The following SND1 variants were observed in gnomAD, a reference collection of about 807,000 sequenced individuals.
SND1 encodes the protein staphylococcal nuclease domain-containing protein 1.
SND1 carries 38 observed loss-of-function variants against 121.7 expected under a neutral mutation model. The observed-to-expected ratio is 0.31, with a 90% CI of 0.24 to 0.41. SND1 has a LOEUF of 0.41. Among genes scored for constraint, SND1 ranks in the 10% least tolerant of loss-of-function variants. The probability of loss-of-function intolerance (pLI) is 1.00; values close to 1 mark genes in which losing one functional copy is unlikely to be tolerated. For synonymous variants in SND1, 401 were observed against 447.4 expected (o/e 0.90, Z 1.31); for missense variants, 868 against 1,184.6 (o/e 0.73, Z 3.92).
chr7:127,898,467 C>G (rs1800161803), intron 13 of SND1, among the ~76,000 whole-genome samples: 1 of 152,158 alleles, frequency 6.6e-6, no homozygotes, highest in Admixed American at 6.6e-5. Flanking sequence ...TGGTGCCACC[C>G]TGTCGCTTCC....
intron 12 of SND1, among the ~76,000 whole-genome samples, chr7:127,885,585 G>A (rs1218279466): frequency 2.0e-5 from 3 of 152,122 alleles, no homozygotes; most frequent in Non-Finnish European, 1.5e-5. Flanking sequence ...AAAGAGGGCA[G>A]GGACAAGGAA....
chr7:127,958,612 G>T (rs1179931425), intron 15 of SND1, among the ~76,000 whole-genome samples: 1 of 152,138 alleles, frequency 6.6e-6, no homozygotes, highest in East Asian at 1.9e-4. Context: ...TGAAACCCCT[G>T]GATAAATATG....
At chr7:127,686,197 C>T (rs1488696346) in intron 1 of SND1, among the ~76,000 whole-genome samples, 1 of 152,176 alleles carries the variant, frequency 6.6e-6, no homozygotes, top group Non-Finnish European at 1.5e-5. Flanking sequence ...GCCACAGCTT[C>T]CCCTTTTCCT....
intron 18 of SND1, among the ~76,000 whole-genome samples, chr7:128,082,739 G>A (rs930765527): frequency 7.9e-5 from 12 of 152,132 alleles, no homozygotes; most frequent in Non-Finnish European, 1.8e-4. Flanking sequence ...CCGTTCCTGG[G>A]CAGAGGAACC....
chr7:128,077,983 G>A (rs887711292), intron 17 of SND1, among the ~76,000 whole-genome samples: 2 of 152,248 alleles, frequency 1.3e-5, no homozygotes, highest in African/African-American at 4.8e-5. Flanking sequence ...CATCTACAAT[G>A]GGGATTCCCA....
At chr7:127,866,671 T>C (rs2116692708) in intron 12 of SND1, among the ~76,000 whole-genome samples, 1 of 152,344 alleles carries the variant, frequency 6.6e-6, no homozygotes, top group African/African-American at 2.4e-5. Flanking sequence ...TAATTTTCCA[T>C]AAATGCTGTT....
At chr7:128,039,474 A>G (rs988459897) in intron 16 of SND1, among the ~76,000 whole-genome samples, 3 of 152,104 alleles carry the variant, frequency 2.0e-5, no homozygotes, top group African/African-American at 7.3e-5. Flanking sequence ...AGCAGGTGAG[A>G]AATTACTAGC....
At chr7:127,758,860 G>A (rs774447356) in intron 10 of SND1, among the ~76,000 whole-genome samples, 3 of 152,022 alleles carry the variant, frequency 2.0e-5, no homozygotes, top group Non-Finnish European at 4.4e-5. Flanking sequence ...TTTGAGACCA[G>A]CCTAGAAACA....
intron 14 of SND1, among the ~76,000 whole-genome samples, chr7:127,917,070 A>G (rs1800595385): frequency 6.6e-6 from 1 of 152,232 alleles, no homozygotes; most frequent in African/African-American, 2.4e-5. Context: ...TGTTATCTTC[A>G]CCAAAGCTAT....
rs183810459 is a variant in SND1 at position 127,759,911 on chromosome 7, G to T, written c.1152+38511G>T. On this transcript the variant is annotated intron_variant, in intron 10 of 23. Transcript: ENST00000354725. ...TTTCCCCTGTGTGTAACAAACTGTCGCATTTCTGCTGCCAGCCTCTCCTCT... is the reference window on the plus strand; with the variant it reads ...TTTCCCCTGTGTGTAACAAACTGTCTCATTTCTGCTGCCAGCCTCTCCTCT... Among the ~76,000 whole-genome samples, 5 of 152,182 alleles carry T rather than the reference G, an allele frequency of 3.3e-5. No individual in the cohort carries two copies. In the East Asian group the frequency reaches 5.8e-4, roughly 18 times the overall value.
At chr7:128,088,446 C>CTTTTTTTTTTTTT in intron 21 of SND1, among the ~76,000 whole-genome samples, 1 of 80,158 alleles carries the variant, frequency 1.2e-5, no homozygotes, top group Non-Finnish European at 2.3e-5. Context: ...CCCTATCTCT[C>CTTTTTTTTTTTTT]TTTTTTTTTT....
intron 14 of SND1, 23 bp from the exon 15 acceptor site, chr7:127,929,165 T>C (rs777679554): frequency 6.2e-7 from 1 of 1,612,536 alleles, no homozygotes; most frequent in African/African-American, 1.3e-5. Flanking sequence ...TTCCAGTTAC[T>C]CTTTTCCTCT....
intron 12 of SND1, among the ~76,000 whole-genome samples, chr7:127,846,763 C>G (rs1045017955): frequency 6.6e-6 from 1 of 151,926 alleles, no homozygotes; most frequent in Admixed American, 6.6e-5. Context: ...TCAGGCGGCC[C>G]CCAGAATCAC....
intron 15 of SND1, among the ~76,000 whole-genome samples, chr7:127,989,484 A>T (rs10226394): frequency 0.2 from 30,561 of 151,964 alleles, 3,598 homozygotes; most frequent in African/African-American, 0.33. Context: ...ACCTAGCTTT[A>T]TTCATACACA....
At chr7:128,025,603 G>C (rs573224013) in intron 16 of SND1, among the ~76,000 whole-genome samples, 1 of 152,158 alleles carries the variant, frequency 6.6e-6, no homozygotes, top group East Asian at 1.9e-4. Flanking sequence ...CAGCATTCAC[G>C]GCTGCATTTT....
intron 10 of SND1, among the ~76,000 whole-genome samples, chr7:127,747,618 C>T (rs748506111): frequency 4.6e-5 from 7 of 152,102 alleles, no homozygotes; most frequent in Non-Finnish European, 1.0e-4. Flanking sequence ...GTTATCAGCA[C>T]CTGGTTGTGA....
intron 16 of SND1, among the ~76,000 whole-genome samples, chr7:128,063,658 A>C (rs1488657482): frequency 6.6e-6 from 1 of 152,234 alleles, no homozygotes. Context: ...ATAAATGCCC[A>C]TTGTAATACT....
chr7:127,937,420 C>T (rs181235017), intron 15 of SND1, among the ~76,000 whole-genome samples: 2 of 152,138 alleles, frequency 1.3e-5, no homozygotes, highest in East Asian at 3.9e-4. Context: ...CTTTCCCTCC[C>T]CCTTCCTCTC....
At chr7:128,012,959 C>T (rs1803147465) in intron 16 of SND1, among the ~76,000 whole-genome samples, 1 of 152,200 alleles carries the variant, frequency 6.6e-6, no homozygotes, top group Non-Finnish European at 1.5e-5. Flanking sequence ...CCCATTGCCC[C>T]TGGACCCCTG....
Sources: allele counts gnomAD v4.1 joint callset (sites outside exome capture counted in the v4.1 genomes callset), GRCh38; gene constraint gnomAD v4.1.1; transcripts MANE v1.5; gene names NCBI Gene and HGNC (gene_info 2026-07-23, HGNC 2026-07-21).